SDK1: variants seen among roughly 807,000 people sequenced by gnomAD.
The protein encoded by SDK1 is sidekick cell adhesion molecule 1.
A neutral mutation model predicts 245.5 loss-of-function variants in SDK1; 157 were observed. The observed-to-expected ratio is 0.64, with a 90% CI of 0.56 to 0.73. SDK1 has a LOEUF of 0.73. Among genes scored for constraint, SDK1 ranks in the 30% least tolerant of loss-of-function variants. The pLI, the probability that SDK1 is intolerant of heterozygous loss-of-function variation, is 0.00. For synonymous variants in SDK1, 1,647 were observed against 1,278.5 expected (o/e 1.29, Z -6.15); for missense variants, 3,583 against 3,002.3 (o/e 1.19, Z -4.52).
In SDK1 at chr7:3,583,600, C is replaced by A. The variant is rs555251039; in HGVS notation, c.299-35480C>A. Among the ~76,000 whole-genome samples, 29 of 152,170 alleles carry A rather than the reference C, an allele frequency of 1.9e-4. No individual in the cohort carries two copies. The South Asian group carries it at 5.2e-3, about 27-fold the overall frequency. On this transcript the variant is annotated intron_variant, in intron 1 of 44. Coordinates refer to ENST00000404826, the MANE Select transcript of SDK1 (RefSeq NM_152744.4). ...TACAAAACCCTCTACTTGGGGAGTT[C>A]CTTGAGATACAGAAATGAATAACAT... is the stretch of plus-strand genomic sequence containing the variant.
intron 5 of SDK1, among the ~76,000 whole-genome samples, chr7:3,941,096 C>G (rs949839256): frequency 3.3e-5 from 5 of 152,084 alleles, no homozygotes; most frequent in Non-Finnish European, 7.3e-5. Context: ...CCCTTATAAG[C>G]TGCCCAGCCA....
intron 1 of SDK1, among the ~76,000 whole-genome samples, chr7:3,353,001 A>G (rs889710385): frequency 2.6e-5 from 4 of 152,186 alleles, no homozygotes; most frequent in Non-Finnish European, 5.9e-5. Context: ...CAAGACATAA[A>G]GGGTATGTGA....
intron 1 of SDK1, among the ~76,000 whole-genome samples, chr7:3,314,265 A>G (rs1008123032): frequency 2.6e-5 from 4 of 152,242 alleles, no homozygotes; most frequent in Non-Finnish European, 5.9e-5. Context: ...AACAGGAGTG[A>G]GGAACCCAAC....
intron 4 of SDK1, among the ~76,000 whole-genome samples, chr7:3,796,766 T>C (rs573638886): frequency 1.6e-4 from 25 of 152,358 alleles, no homozygotes; most frequent in African/African-American, 5.8e-4. Flanking sequence ...TTATTAATTT[T>C]AAATGAATGT....
chr7:3,546,186 T>C (rs984398950), intron 1 of SDK1, among the ~76,000 whole-genome samples: 16 of 152,102 alleles, frequency 1.1e-4, no homozygotes, highest in Non-Finnish European at 2.4e-4. Flanking sequence ...GGAGTCAGCA[T>C]TTCTGTGGAG....
At chr7:3,855,670 G>A (rs962994128) in intron 5 of SDK1, among the ~76,000 whole-genome samples, 20 of 152,306 alleles carry the variant, frequency 1.3e-4, no homozygotes, top group South Asian at 2.1e-4. Context: ...GTACAAAGAA[G>A]CCCTAGGCAA....
chr7:4,225,789 G>T (rs1384092725), intron 40 of SDK1, among the ~76,000 whole-genome samples: 1 of 152,130 alleles, frequency 6.6e-6, no homozygotes, highest in Non-Finnish European at 1.5e-5. Flanking sequence ...TGACCCACAG[G>T]GGACCAAGAT....
chr7:3,754,681 A>C (rs1387096512), intron 4 of SDK1, among the ~76,000 whole-genome samples: 4 of 97,154 alleles, frequency 4.1e-5, no homozygotes, highest in Non-Finnish European at 4.2e-5. Context: ...AGTAAGGGGA[A>C]GGGGGGTGGG....
At chr7:3,706,056 T>C (rs1024394478) in intron 4 of SDK1, among the ~76,000 whole-genome samples, 1 of 152,216 alleles carries the variant, frequency 6.6e-6, no homozygotes, top group Non-Finnish European at 1.5e-5. Flanking sequence ...TCTTTTTATG[T>C]GATATATCAC....
At chr7:3,518,678 A>T (rs1049819980) in intron 1 of SDK1, among the ~76,000 whole-genome samples, 10 of 152,100 alleles carry the variant, frequency 6.6e-5, no homozygotes, top group African/African-American at 2.4e-4. Flanking sequence ...AGACAAAAAA[A>T]AACATGCTGG....
intron 32 of SDK1, among the ~76,000 whole-genome samples, chr7:4,173,615 G>A (rs1206780817): frequency 6.6e-6 from 1 of 152,208 alleles, no homozygotes; most frequent in African/African-American, 2.4e-5. Flanking sequence ...GAGCTGGATG[G>A]CAAGGGTGTA....
chr7:3,954,889 C>T (rs988715032), intron 7 of SDK1, among the ~76,000 whole-genome samples: 1 of 152,004 alleles, frequency 6.6e-6, no homozygotes, highest in Non-Finnish European at 1.5e-5. Flanking sequence ...TACCAATAAT[C>T]AGTTATGTGA....
chr7:3,390,594 A>G (rs905191966), intron 1 of SDK1, among the ~76,000 whole-genome samples: 8 of 152,228 alleles, frequency 5.3e-5, no homozygotes, highest in African/African-American at 1.4e-4. Flanking sequence ...CTATAATCCA[A>G]TGACTAGTAT....
At chr7:3,813,580 A>C (rs1409502517) in intron 4 of SDK1, among the ~76,000 whole-genome samples, 1 of 150,864 alleles carries the variant, frequency 6.6e-6, no homozygotes, top group Non-Finnish European at 1.5e-5. Context: ...ATACATGTGC[A>C]TGTGTCTTTA....
Position 4,127,505 on chromosome 7 carries a change from T to C in SDK1, c.3939+9T>C. 1 of 1,595,196 alleles carries C rather than the reference T, an allele frequency of 6.3e-7. No homozygotes were observed. The highest frequency in any genetic ancestry group is 8.6e-7 in the Non-Finnish European group (1 of 1,162,806). On this transcript the variant is annotated intron_variant, in intron 26 of 44. Transcript: ENST00000404826. Reference sequence around the variant, plus strand: ...TCATACTGGGCTACAAGGTGTGTGATCACAGGATGACCTCCCTTTGCTTAA... The same window carrying C: ...TCATACTGGGCTACAAGGTGTGTGACCACAGGATGACCTCCCTTTGCTTAA...
At chr7:4,210,585 C>T (rs1315511763) in intron 38 of SDK1, among the ~76,000 whole-genome samples, 1 of 152,104 alleles carries the variant, frequency 6.6e-6, no homozygotes, top group African/African-American at 2.4e-5. Context: ...CCTCAGCATC[C>T]TAGGAGGGAT....
chr7:3,358,713 G>A (rs1018091429), intron 1 of SDK1, among the ~76,000 whole-genome samples: 1 of 152,154 alleles, frequency 6.6e-6, no homozygotes, highest in Non-Finnish European at 1.5e-5. Flanking sequence ...AATCCAATTG[G>A]CAGTCATCCC....
intron 1 of SDK1, among the ~76,000 whole-genome samples, chr7:3,537,357 T>C (rs1017645640): frequency 2.6e-5 from 4 of 152,204 alleles, no homozygotes; most frequent in Non-Finnish European, 4.4e-5. Flanking sequence ...TGGGAAGTGC[T>C]AGAGCCAGGG....
At chr7:4,182,548 T>G (rs148564172) in intron 35 of SDK1, among the ~76,000 whole-genome samples, 1 of 152,124 alleles carries the variant, frequency 6.6e-6, no homozygotes, top group Admixed American at 6.5e-5. Flanking sequence ...TATGCTGAGA[T>G]GAAGGCAGGT....
Sources: allele counts gnomAD v4.1 joint callset (sites outside exome capture counted in the v4.1 genomes callset), GRCh38; gene constraint gnomAD v4.1.1; transcripts MANE v1.5; gene names NCBI Gene and HGNC (gene_info 2026-07-23, HGNC 2026-07-21).